The following HOMER1 variants were observed in gnomAD, a reference collection of about 807,000 sequenced individuals.
HOMER1 encodes the protein homer protein homolog 1.
A neutral mutation model predicts 48.9 loss-of-function variants in HOMER1; 3 were observed. The observed-to-expected ratio is 0.06, with a 90% confidence interval of 0.03 to 0.16. HOMER1 has a LOEUF of 0.16. HOMER1 is among the 10% of genes least tolerant of loss of function. The pLI, the probability that HOMER1 is intolerant of heterozygous loss-of-function variation, is 1.00. For missense variants in HOMER1, 247 were observed against 411.4 expected, an observed-to-expected ratio of 0.60 and a Z score of 3.46; for synonymous variants, 134 against 146.4, an observed-to-expected ratio of 0.92 and a Z score of 0.61.
At chr5:79,511,341 G>A (rs967069959) in intron 1 of HOMER1, among the ~76,000 whole-genome samples, 4 of 152,212 alleles carry the variant, frequency 2.6e-5, no homozygotes, top group Admixed American at 6.5e-5. Flanking sequence ...AAACTGCTTA[G>A]AGTGAAAAAG....
intron 8 of HOMER1, among the ~76,000 whole-genome samples, chr5:79,382,874 C>T (rs1439423717): frequency 1.3e-5 from 2 of 152,106 alleles, no homozygotes; most frequent in African/African-American, 2.4e-5. Context: ...CAGAACAAAA[C>T]CTCAAATATC....
rs543943805 is a variant in HOMER1 at position 79,374,817 on chromosome 5, G to A, written c.*1192C>T. The A allele has an allele frequency of 1.3e-5, 2 of 152,154 alleles. No homozygotes were observed. Among genetic ancestry groups the A allele is most frequent in the Non-Finnish European group, 1.5e-5 (1 of 67,926 alleles). The allele number at this position is 152,154 out of a possible 1,614,324, so 9.4% of individuals were successfully genotyped here. On this transcript the variant is annotated 3_prime_UTR_variant, in exon 9 of 9. Transcript: ENST00000334082. Reference sequence around the variant, plus strand: ...AACATTAAAACCTGTTCACTGAGAAGAGCCTATTGAATTTAATTCCTGTTT... The same window carrying A: ...AACATTAAAACCTGTTCACTGAGAAAAGCCTATTGAATTTAATTCCTGTTT...
intron 1 of HOMER1, among the ~76,000 whole-genome samples, chr5:79,502,957 A>ATT (rs766162349): frequency 1.5e-4 from 22 of 149,458 alleles, no homozygotes; most frequent in Non-Finnish European, 3.3e-4. Flanking sequence ...CGCCCGGCTA[A>ATT]TTTTTTGTAT....
intron 8 of HOMER1, among the ~76,000 whole-genome samples, chr5:79,394,515 A>G (rs1306028179): frequency 1.3e-5 from 2 of 152,206 alleles, no homozygotes; most frequent in Non-Finnish European, 2.9e-5. Flanking sequence ...GGTAAGAATT[A>G]TATTCACAAT....
At chr5:79,391,886 A>G (rs1749263002) in intron 8 of HOMER1, among the ~76,000 whole-genome samples, 1 of 152,206 alleles carries the variant, frequency 6.6e-6, no homozygotes, top group Non-Finnish European at 1.5e-5. Context: ...CATGCACAGC[A>G]TGACAATGCA....
chr5:79,392,954 G>GGAGAGAGAGAGAGAGAGAGAGAGAGA (rs3082001), intron 8 of HOMER1, among the ~76,000 whole-genome samples: 9 of 140,960 alleles, frequency 6.4e-5, no homozygotes, highest in African/African-American at 2.4e-4. Context: ...GAAGGGAAAG[G>GGAGAGAGAGAGAGAGAGAGAGAGAGA]GAGAGAGAGA....
At chr5:79,414,472 TG>T (rs1355682291) in intron 5 of HOMER1, among the ~76,000 whole-genome samples, 1 of 152,034 alleles carries the variant, frequency 6.6e-6, no homozygotes, top group African/African-American at 2.4e-5. Flanking sequence ...TCTGAACTCC[TG>T]GGCTCAAGCA....
chr5:79,418,821 T>C (rs1750018612), intron 5 of HOMER1, among the ~76,000 whole-genome samples: 1 of 152,238 alleles, frequency 6.6e-6, no homozygotes, highest in Admixed American at 6.5e-5. Flanking sequence ...CTTTGCTCTG[T>C]TACCTTAGGG....
At chr5:79,381,008 G>A (rs1052595208) in intron 8 of HOMER1, among the ~76,000 whole-genome samples, 1 of 152,106 alleles carries the variant, frequency 6.6e-6, no homozygotes, top group African/African-American at 2.4e-5. Context: ...TTGCACTGCT[G>A]CCACTACTGG....
intron 6 of HOMER1, among the ~76,000 whole-genome samples, chr5:79,398,330 C>G (rs938004190): frequency 2.7e-5 from 4 of 150,416 alleles, no homozygotes; most frequent in Non-Finnish European, 4.4e-5. Flanking sequence ...CACACACACA[C>G]ATGCACACAC....
chr5:79,386,414 T>C (rs77880952), intron 8 of HOMER1, among the ~76,000 whole-genome samples: 8,109 of 152,230 alleles, frequency 0.053, 269 homozygotes, highest in Middle Eastern at 0.12. Flanking sequence ...CTGAAGTACT[T>C]GATCTCATGG....
At chr5:79,428,587 T>G (rs1454336135) in intron 5 of HOMER1, among the ~76,000 whole-genome samples, 1 of 152,178 alleles carries the variant, frequency 6.6e-6, no homozygotes, top group Non-Finnish European at 1.5e-5. Context: ...ATGAGTTCAG[T>G]AAGTTTGTAG....
intron 1 of HOMER1, among the ~76,000 whole-genome samples, chr5:79,475,767 G>GT (rs1751759998): frequency 6.6e-6 from 1 of 152,146 alleles, no homozygotes; most frequent in South Asian, 2.1e-4. Context: ...ATGACTGAAA[G>GT]TAAGTTTTCA....
intron 4 of HOMER1, among the ~76,000 whole-genome samples, chr5:79,444,947 A>C (rs1750836334): frequency 6.6e-6 from 1 of 152,184 alleles, no homozygotes; most frequent in Non-Finnish European, 1.5e-5. Flanking sequence ...ACAGACGTAT[A>C]ATGGAGCTTT....
chr5:79,378,082 T>C (rs1748820866), intron 8 of HOMER1, among the ~76,000 whole-genome samples: 2 of 152,096 alleles, frequency 1.3e-5, no homozygotes, highest in Non-Finnish European at 2.9e-5. Flanking sequence ...TAGCCAGGCG[T>C]GGTGGCAGGC....
At chr5:79,491,324 G>A (rs1561385195) in intron 1 of HOMER1, among the ~76,000 whole-genome samples, 1 of 150,690 alleles carries the variant, frequency 6.6e-6, no homozygotes, top group Non-Finnish European at 1.5e-5. Context: ...TTGGTGGTGA[G>A]GCAAGAGGCG....
rs10666507 is a variant in HOMER1 at position 79,465,584 on chromosome 5, C to CTTTTTTTTTTTTTT, written c.6-8580_6-8567dup. Among the ~76,000 whole-genome samples the CTTTTTTTTTTTTTT allele has an allele frequency of 8.7e-4, 68 of 77,904 alleles. 10 individuals are homozygous for CTTTTTTTTTTTTTT. Among genetic ancestry groups the CTTTTTTTTTTTTTT allele is most frequent in the African/African-American group, 3.7e-3 (61 of 16,492 alleles). 51.1% of individuals were successfully genotyped at this position (77,904 alleles called of 152,430 possible). A position where few individuals can be genotyped will look rare whatever the true frequency, so the allele number is the denominator to read the frequency against. Reference sequence around the variant, plus strand: ...AGTAACAGTACTGTTTACATTTCTTCTTTTTTTTTTTTTTTTTTTTTTTTT... The same window carrying CTTTTTTTTTTTTTT: ...AGTAACAGTACTGTTTACATTTCTTCTTTTTTTTTTTTTTTTTTTTTTTTTTTTTTTTTTTTTTT... On this transcript the variant is annotated intron_variant, in intron 1 of 8. Transcript: ENST00000334082.
intron 5 of HOMER1, among the ~76,000 whole-genome samples, chr5:79,430,084 C>T (rs1331897223): frequency 2.0e-5 from 3 of 147,624 alleles, no homozygotes; most frequent in Non-Finnish European, 4.5e-5. Context: ...ATAGTGAAAA[C>T]ACAACTAATA....
At chr5:79,416,200 T>C (rs6883188) in intron 5 of HOMER1, among the ~76,000 whole-genome samples, 1,588 of 152,348 alleles carry the variant, frequency 0.01, 24 homozygotes, top group African/African-American at 0.035. Flanking sequence ...ATGATTTATA[T>C]TGTATGCACT....
Sources: gnomAD v4.1 joint callset for allele counts (sites outside exome capture counted in the v4.1 genomes callset) on GRCh38, gnomAD v4.1.1 for gene constraint, MANE v1.5 for transcripts, NCBI Gene and HGNC (gene_info 2026-07-23, HGNC 2026-07-21) for gene names.